Variants in RAD51B observed in about 807,000 individuals in gnomAD.
The protein encoded by RAD51B is RAD51 paralog B, also known as DNA repair protein RAD51 homolog 2.
A neutral mutation model predicts 42.2 loss-of-function variants in RAD51B; 38 were observed. That is an observed-to-expected ratio of 0.90 (90% confidence interval 0.70 to 1.18). RAD51B has a LOEUF of 1.18. Among genes scored for constraint, RAD51B ranks in the 50% most tolerant of loss-of-function variants. The probability of loss-of-function intolerance (pLI) is 0.00; values close to 1 mark genes in which losing one functional copy is unlikely to be tolerated. For missense variants in RAD51B, 373 were observed against 400.7 expected, an observed-to-expected ratio of 0.93 and a Z score of 0.59; for synonymous variants, 154 against 145.2, an observed-to-expected ratio of 1.06 and a Z score of -0.43.
At chr14:68,357,084 TA>T (rs756214904) in intron 8 of RAD51B, among the ~76,000 whole-genome samples, 2 of 152,230 alleles carry the variant, frequency 1.3e-5, no homozygotes, top group Non-Finnish European at 2.9e-5. Flanking sequence ...GATAACATTT[TA>T]TCCACGGTAG....
chr14:68,211,096 A>T (rs1332216118), intron 7 of RAD51B, among the ~76,000 whole-genome samples: 2 of 152,134 alleles, frequency 1.3e-5, no homozygotes, highest in South Asian at 4.1e-4. Flanking sequence ...CTCTCTGAGG[A>T]TGTTTCTCTG....
rs971755231 is a variant in RAD51B at position 67,857,920 on chromosome 14, G to T, written c.316-7083G>T. The T allele has an allele frequency of 3.3e-5, 5 of 152,616 alleles. No individual in the cohort carries two copies. The East Asian group carries it at 9.7e-4, about 29-fold the overall frequency. The allele number at this position is 152,616 out of a possible 1,614,324, so 9.5% of individuals were successfully genotyped here. A position where few individuals can be genotyped will look rare whatever the true frequency, so the allele number is the denominator to read the frequency against. ...GCAAGTGCGGGATCTGGCCAGCACAGCTCGGAGTGCCAGCAGGAGCAAGCT... is the reference window on the plus strand; with the variant it reads ...GCAAGTGCGGGATCTGGCCAGCACATCTCGGAGTGCCAGCAGGAGCAAGCT... On this transcript the variant is annotated intron_variant, in intron 4 of 10. Transcript: ENST00000471583.
chr14:68,086,642 T>C (rs1566633014), intron 7 of RAD51B, among the ~76,000 whole-genome samples: 1 of 151,696 alleles, frequency 6.6e-6, no homozygotes, highest in Non-Finnish European at 1.5e-5. Context: ...GATACGAGAG[T>C]GGAGAAAATG....
At chr14:68,539,769 A>G (rs1295724575) in intron 10 of RAD51B, among the ~76,000 whole-genome samples, 7 of 152,320 alleles carry the variant, frequency 4.6e-5, no homozygotes, top group South Asian at 4.1e-4. Flanking sequence ...AGCTGGCTCA[A>G]TGGGACTTAA....
chr14:67,964,798 A>G (rs1355444266), intron 7 of RAD51B, among the ~76,000 whole-genome samples: 4 of 152,172 alleles, frequency 2.6e-5, no homozygotes, highest in Admixed American at 2.6e-4. Flanking sequence ...ACGACGGTCT[A>G]CCGCAGGTTG....
intron 10 of RAD51B, among the ~76,000 whole-genome samples, chr14:68,634,364 C>T (rs1475365397): frequency 6.6e-6 from 1 of 152,192 alleles, no homozygotes; most frequent in Non-Finnish European, 1.5e-5. Flanking sequence ...AAACCGAATG[C>T]CTTCAACAGT....
chr14:68,522,593 G>C (rs141024364), intron 10 of RAD51B, among the ~76,000 whole-genome samples: 3 of 152,196 alleles, frequency 2.0e-5, no homozygotes, highest in Non-Finnish European at 4.4e-5. Context: ...GTACCGGCTC[G>C]TGTGTGGAAG....
chr14:68,679,995 CA>C (rs1234265087), intron 11 of RAD51B, among the ~76,000 whole-genome samples: 2 of 152,056 alleles, frequency 1.3e-5, no homozygotes, highest in Admixed American at 6.5e-5. Context: ...AGTGAAACAA[CA>C]AAGACGCATT....
At chr14:68,096,475 C>G (rs143356063) in intron 7 of RAD51B, among the ~76,000 whole-genome samples, 4 of 152,320 alleles carry the variant, frequency 2.6e-5, no homozygotes, top group African/African-American at 4.8e-5. Context: ...TGCAGAGGTA[C>G]TTTCTTCCTT....
intron 10 of RAD51B, among the ~76,000 whole-genome samples, chr14:68,552,984 CTAAGAA>C (rs1424359688): frequency 6.6e-6 from 1 of 152,154 alleles, no homozygotes; most frequent in Non-Finnish European, 1.5e-5. Context: ...GAGTAAAGTA[CTAAGAA>C]TAAGTAAAAA....
chr14:68,633,005 G>A, intron 10 of RAD51B, among the ~76,000 whole-genome samples: 1 of 119,958 alleles, frequency 8.3e-6, no homozygotes, highest in Non-Finnish European at 1.7e-5. Context: ...TTTTTGGAGA[G>A]AGGGGTTCTC....
intron 7 of RAD51B, among the ~76,000 whole-genome samples, chr14:68,092,703 C>A (rs1243252809): frequency 6.6e-6 from 1 of 152,098 alleles, no homozygotes; most frequent in Non-Finnish European, 1.5e-5. Context: ...CCTTTTCCTG[C>A]CTGATTGCCC....
chr14:68,097,879 T>G (rs1566643099), intron 7 of RAD51B, among the ~76,000 whole-genome samples: 2 of 152,218 alleles, frequency 1.3e-5, no homozygotes, highest in Admixed American at 6.5e-5. Context: ...CCCTGCATCT[T>G]TCTGGTCTTA....
chr14:68,666,200 T>G (rs1187815761), intron 11 of RAD51B, among the ~76,000 whole-genome samples: 1 of 152,190 alleles, frequency 6.6e-6, no homozygotes, highest in Non-Finnish European at 1.5e-5. Flanking sequence ...AGCTGAGAGA[T>G]GGAGAGTACC....
intron 4 of RAD51B, among the ~76,000 whole-genome samples, chr14:67,860,471 A>C (rs1197207887): frequency 6.6e-6 from 1 of 152,210 alleles, no homozygotes; most frequent in African/African-American, 2.4e-5. Context: ...ACATGTATGC[A>C]CTTGTTCAAG....
At chr14:68,524,981 A>C (rs1214519965) in intron 10 of RAD51B, among the ~76,000 whole-genome samples, 1 of 152,184 alleles carries the variant, frequency 6.6e-6, no homozygotes, top group East Asian at 1.9e-4. Context: ...CCAAGTCCTG[A>C]TCCTTTGAAC....
At chr14:68,670,887 G>A (rs1893142193) in intron 11 of RAD51B, among the ~76,000 whole-genome samples, 1 of 152,162 alleles carries the variant, frequency 6.6e-6, no homozygotes, top group Non-Finnish European at 1.5e-5. Flanking sequence ...CATCTCTGCT[G>A]GAAATGCTAC....
intron 7 of RAD51B, among the ~76,000 whole-genome samples, chr14:67,911,318 C>T (rs1315625952): frequency 1.3e-5 from 2 of 152,186 alleles, no homozygotes; most frequent in African/African-American, 2.4e-5. Context: ...GAATTTTAGA[C>T]TGTACCCTAG....
chr14:68,048,034 G>T (rs1018950701), intron 7 of RAD51B, among the ~76,000 whole-genome samples: 1 of 152,112 alleles, frequency 6.6e-6, no homozygotes, highest in East Asian at 1.9e-4. Context: ...TATTTGTTGG[G>T]TGTTCACTCC....
Sources: allele counts gnomAD v4.1 joint callset (sites outside exome capture counted in the v4.1 genomes callset), GRCh38; gene constraint gnomAD v4.1.1; transcripts MANE v1.5; gene names NCBI Gene and HGNC (gene_info 2026-07-23, HGNC 2026-07-21).